The following C8orf34 variants were observed in gnomAD, a reference collection of about 807,000 sequenced individuals.
C8orf34 encodes the protein chromosome 8 open reading frame 34, also known as uncharacterized protein C8orf34.
C8orf34 carries 65 observed loss-of-function variants against 68.3 expected under a neutral mutation model. That is an observed-to-expected ratio of 0.95 (90% CI 0.78 to 1.17). C8orf34 has a LOEUF of 1.17. Ranked by LOEUF, C8orf34 falls within the 50% of genes most tolerant of loss-of-function variation. C8orf34 has a pLI of 0.00. For synonymous variants in C8orf34, 244 were observed against 241.2 expected, an observed-to-expected ratio of 1.01 and a Z score of -0.11; for missense variants, 664 against 655.4, an observed-to-expected ratio of 1.01 and a Z score of -0.14.
intron 9 of C8orf34, among the ~76,000 whole-genome samples, chr8:68,710,830 A>T (rs912845181): frequency 6.6e-6 from 1 of 152,108 alleles, no homozygotes. Context: ...AGCTCTTGAA[A>T]GCACTACTTT....
chr8:68,570,290 ACT>A (rs1476804724), intron 7 of C8orf34, among the ~76,000 whole-genome samples: 1 of 152,074 alleles, frequency 6.6e-6, no homozygotes, highest in Non-Finnish European at 1.5e-5. Flanking sequence ...ACTCTTTCCT[ACT>A]CATCCTGAGA....
At chr8:68,566,942 G>T (rs1816608598) in intron 7 of C8orf34, among the ~76,000 whole-genome samples, 1 of 152,094 alleles carries the variant, frequency 6.6e-6, no homozygotes, top group Non-Finnish European at 1.5e-5. Context: ...TTATTGACTT[G>T]CGTATGTTAA....
chr8:68,331,073 C>A lies in C8orf34; in HGVS notation c.61C>A (p.Leu21Ile). The change falls in exon 1 of 14, where the codon CTC (leucine) becomes ATC (isoleucine). Residue 21 changes from leucine to isoleucine, a missense_variant. Leu to Ile is a conservative substitution (Grantham distance 5). Transcript: ENST00000518698. ...GGCGGCGCTGCGCCCAGGCTTCCGG[C>A]TCTCAGCGCCCCACGCGCGCGTGGC... is the stretch of plus-strand genomic sequence containing the variant. Reference protein sequence around the residue: ...ELAALRPGFRLSAPHARVAPR... With the variant: ...ELAALRPGFRISAPHARVAPR... The A allele has an allele frequency of 6.9e-7, 1 of 1,445,648 alleles. No homozygotes were observed. 89.6% of individuals were successfully genotyped at this position (1,445,648 alleles called of 1,614,324 possible).
At chr8:68,376,184 C>CATAAA (rs55750047) in intron 1 of C8orf34, among the ~76,000 whole-genome samples, 5,430 of 145,812 alleles carry the variant, frequency 0.037, 142 homozygotes, top group South Asian at 0.1. Flanking sequence ...AAAAGGCAGA[C>CATAAA]ATAAAATAAA....
chr8:68,556,704 G>A (rs201099116), intron 7 of C8orf34, among the ~76,000 whole-genome samples: 1 of 152,090 alleles, frequency 6.6e-6, no homozygotes, highest in Non-Finnish European at 1.5e-5. Context: ...CCCTGGTGTC[G>A]ACCTTATGGC....
intron 7 of C8orf34, among the ~76,000 whole-genome samples, chr8:68,577,871 A>G (rs1816951074): frequency 6.6e-6 from 1 of 151,944 alleles, no homozygotes; most frequent in Non-Finnish European, 1.5e-5. Flanking sequence ...TGAAATTTAA[A>G]GAAAATATTT....
chr8:68,446,142 C>G (rs1483517952), intron 2 of C8orf34, among the ~76,000 whole-genome samples, 187 bp from the exon 3 acceptor site: 1 of 152,072 alleles, frequency 6.6e-6, no homozygotes, highest in African/African-American at 2.4e-5. Context: ...TAAACTGATT[C>G]ATATCAGATT....
At chr8:68,620,125 A>G (rs1393537154) in intron 7 of C8orf34, among the ~76,000 whole-genome samples, 1 of 152,214 alleles carries the variant, frequency 6.6e-6, no homozygotes, top group East Asian at 1.9e-4. Context: ...TGGGGTGAAG[A>G]GAAAGAGACT....
intron 8 of C8orf34, among the ~76,000 whole-genome samples, chr8:68,687,885 G>T (rs1820568039): frequency 6.6e-6 from 1 of 151,990 alleles, no homozygotes; most frequent in South Asian, 2.1e-4. Context: ...CTAGTATCCA[G>T]AATCTACAAG....
chr8:68,783,477 CATT>C (rs1563667372), intron 11 of C8orf34, among the ~76,000 whole-genome samples: 35 of 146,020 alleles, frequency 2.4e-4, no homozygotes, highest in African/African-American at 8.6e-4. Flanking sequence ...AAGATGGTGC[CATT>C]GCAATTGCAC....
chr8:68,790,728 T>C (rs1290631743), intron 12 of C8orf34: 1 of 545,394 alleles, frequency 1.8e-6, no homozygotes, highest in African/African-American at 1.9e-5. Context: ...CAGATTATGG[T>C]CTGAAGTCAC....
At chr8:68,526,846 G>A (rs930249132) in intron 6 of C8orf34, among the ~76,000 whole-genome samples, 9 of 152,146 alleles carry the variant, frequency 5.9e-5, no homozygotes, top group Non-Finnish European at 7.3e-5. Context: ...GAAAGAAAGC[G>A]TGAAACTAAA....
At chr8:68,635,981 A>G (rs1003275582) in intron 7 of C8orf34, among the ~76,000 whole-genome samples, 3 of 152,190 alleles carry the variant, frequency 2.0e-5, no homozygotes, top group African/African-American at 7.2e-5. Flanking sequence ...GGAGTTAGCC[A>G]CTATCACTTG....
chr8:68,605,621 T>C (rs571989212), intron 7 of C8orf34, among the ~76,000 whole-genome samples: 42 of 152,008 alleles, frequency 2.8e-4, no homozygotes, highest in Admixed American at 2.6e-3. Context: ...AATAAACCAA[T>C]CTGAAAAGAC....
chr8:68,347,722 G>A (rs1244590999), intron 1 of C8orf34, among the ~76,000 whole-genome samples: 2 of 151,892 alleles, frequency 1.3e-5, no homozygotes, highest in Non-Finnish European at 2.9e-5. Flanking sequence ...GTGATGTTGA[G>A]CTTTTTTTTT....
chr8:68,407,094 T>C (rs1447613329), intron 1 of C8orf34, among the ~76,000 whole-genome samples: 4 of 152,192 alleles, frequency 2.6e-5, no homozygotes, highest in South Asian at 2.1e-4. Flanking sequence ...GGAAAAGTAA[T>C]AACATTTTAT....
At position 68,383,346 on chromosome 8, in the gene C8orf34, C is replaced by T. The variant is rs141491226; in HGVS notation, c.327+52007C>T. ...AAACTGTGTCCTCTAGCCCCATTTC[C>T]CCATTTCCTACTTCAGATCCCTGTG... On this transcript the variant is annotated intron_variant, in intron 1 of 13. Coordinates refer to ENST00000518698, the MANE Select transcript of C8orf34 (RefSeq NM_052958.4). Among the ~76,000 whole-genome samples, 1,426 of 152,280 alleles carry T rather than the reference C, an allele frequency of 9.4e-3. 8 individuals carry two copies. The highest frequency in any genetic ancestry group is 0.025 in the South Asian group (122 of 4,824).
At chr8:68,660,883 C>G (rs145496118) in intron 8 of C8orf34, among the ~76,000 whole-genome samples, 108 of 151,628 alleles carry the variant, frequency 7.1e-4, no homozygotes, top group African/African-American at 2.6e-3. Context: ...GTGTTAACTC[C>G]TGACATAGCT....
chr8:68,580,411 A>G (rs1817028758), intron 7 of C8orf34, among the ~76,000 whole-genome samples: 1 of 152,132 alleles, frequency 6.6e-6, no homozygotes, highest in Non-Finnish European at 1.5e-5. Flanking sequence ...ATATTATACT[A>G]ATCTTTAATC....
Sources: allele counts gnomAD v4.1 joint callset (sites outside exome capture counted in the v4.1 genomes callset), GRCh38; gene constraint gnomAD v4.1.1; transcripts MANE v1.5; gene names NCBI Gene and HGNC (gene_info 2026-07-23, HGNC 2026-07-21).